The following DHRSX variants were observed in gnomAD, a reference collection of about 807,000 sequenced individuals.
DHRSX encodes dehydrogenase/reductase X-linked.
Under a neutral mutation model 34.0 loss-of-function variants are expected in DHRSX, and 31 were observed. The ratio of observed to expected loss-of-function variants is 0.91; its 90% CI spans 0.69 to 1.23. The LOEUF (loss-of-function observed/expected upper bound fraction) is 1.23, where lower values mean the gene tolerates loss of function less well. DHRSX is among the 50% of genes most tolerant of loss of function. The pLI, the probability that DHRSX is intolerant of heterozygous loss-of-function variation, is 0.00. For synonymous variants in DHRSX, 201 were observed against 183.8 expected (o/e 1.09, Z -0.76); for missense variants, 414 against 428.1 (o/e 0.97, Z 0.29).
chrX:2,231,970 T>G (rs562085261), intron 6 of DHRSX, among the ~76,000 whole-genome samples: 1 of 6,096 alleles, frequency 1.6e-4, no homozygotes, highest in African/African-American at 5.6e-4. Context: ...TTTCTGCCCT[T>G]CTTTCCTTTT....
intron 3 of DHRSX, among the ~76,000 whole-genome samples, chrX:2,294,840 CAA>C (rs1371271598): frequency 2.7e-5 from 4 of 150,038 alleles, no homozygotes; most frequent in Admixed American, 1.3e-4. Context: ...GGGAGAAAGA[CAA>C]AGAGAGCAGA....
Position 2,412,993 on chromosome X carries a change from G to A in DHRSX, c.218-4180C>T, listed in dbSNP as rs182989870. 3.7e-3 allele frequency among the ~76,000 whole-genome samples: 559 copies of A among 152,210 alleles called. 2 individuals carry two copies. The highest frequency in any genetic ancestry group is 0.013 in the African/African-American group (536 of 41,526). On this transcript the variant is annotated intron_variant, in intron 2 of 6. Transcript: ENST00000334651. ...AGGTGGATCACAAGGTCAAGAGATC[G>A]AGACCATCCTGGCCAACCTGGCAAA...
chrX:2,350,916 T>C (rs918544643), intron 3 of DHRSX, among the ~76,000 whole-genome samples: 2 of 152,190 alleles, frequency 1.3e-5, no homozygotes, highest in Non-Finnish European at 2.9e-5. Flanking sequence ...AAGGATGAGT[T>C]CATCTCCTCT....
intron 1 of DHRSX, chrX:2,488,575 T>C: frequency 2.0e-6 from 3 of 1,525,072 alleles, no homozygotes; most frequent in Non-Finnish European, 2.6e-6. Context: ...GGTAAGTATT[T>C]ACAGCAAAGC....
intron 3 of DHRSX, among the ~76,000 whole-genome samples, chrX:2,365,614 G>A (rs1199129416): frequency 6.6e-6 from 1 of 152,128 alleles, no homozygotes; most frequent in Non-Finnish European, 1.5e-5. Flanking sequence ...AGATGGAAGT[G>A]AGATTTCCTC....
chrX:2,364,163 C>T (rs2042972029), intron 3 of DHRSX, among the ~76,000 whole-genome samples: 2 of 152,204 alleles, frequency 1.3e-5, no homozygotes, highest in Non-Finnish European at 2.9e-5. Context: ...GTAGTAGGCA[C>T]ATCCCCACAG....
At chrX:2,462,632 T>C (rs1248532279) in intron 1 of DHRSX, among the ~76,000 whole-genome samples, 1 of 152,074 alleles carries the variant, frequency 6.6e-6, no homozygotes, top group Non-Finnish European at 1.5e-5. Context: ...CCACAAAAGT[T>C]ACATGTCAGA....
chrX:2,440,519 T>C lies in DHRSX; in HGVS notation c.110-15215A>G, dbSNP rs181105802. Among the ~76,000 whole-genome samples the C allele has an allele frequency of 6.2e-3, 936 of 151,436 alleles. 8 individuals are homozygous for C. Among genetic ancestry groups the C allele is most frequent in the African/African-American group, 0.022 (888 of 41,146 alleles). On this transcript the variant is annotated intron_variant, in intron 1 of 6. Coordinates refer to ENST00000334651, the MANE Select transcript of DHRSX (RefSeq NM_145177.3). ...ATCCAGCTCATTTCTGCTTTTTAAA[T>C]GTTTTTCTTTCTTTCTTTTTTTTTT...
chrX:2,248,025 C>T (rs1276793819), intron 5 of DHRSX, among the ~76,000 whole-genome samples: 1 of 152,142 alleles, frequency 6.6e-6, no homozygotes, highest in African/African-American at 2.4e-5. Context: ...TATCATCGTG[C>T]AGTGGCTCAC....
At chrX:2,412,402 A>G (rs1220486290) in intron 2 of DHRSX, among the ~76,000 whole-genome samples, 1 of 152,066 alleles carries the variant, frequency 6.6e-6, no homozygotes, top group Non-Finnish European at 1.5e-5. Flanking sequence ...TTCACATCTT[A>G]GGAAGTGAAC....
intron 3 of DHRSX, among the ~76,000 whole-genome samples, chrX:2,338,865 A>G (rs2042604249): frequency 6.6e-6 from 1 of 151,910 alleles, no homozygotes; most frequent in Non-Finnish European, 1.5e-5. Context: ...TCTCTCTACC[A>G]TGGGGTATTT....
At chrX:2,340,030 G>A (rs1429666403) in intron 3 of DHRSX, among the ~76,000 whole-genome samples, 1 of 151,952 alleles carries the variant, frequency 6.6e-6, no homozygotes, top group African/African-American at 2.4e-5. Context: ...TCTAGCATCT[G>A]TTGTTTCCTG....
chrX:2,453,878 T>G (rs1300405579), intron 1 of DHRSX, among the ~76,000 whole-genome samples: 1 of 152,140 alleles, frequency 6.6e-6, no homozygotes, highest in African/African-American at 2.4e-5. Flanking sequence ...TTAATTAGCT[T>G]GATTGTTAAT....
At chrX:2,378,967 C>A (rs546281544) in intron 3 of DHRSX, among the ~76,000 whole-genome samples, 1 of 152,112 alleles carries the variant, frequency 6.6e-6, no homozygotes, top group Non-Finnish European at 1.5e-5. Context: ...CCACCGCGCC[C>A]GGCCTTTGGC....
At chrX:2,338,148 C>CA (rs1227321043) in intron 3 of DHRSX, 2 of 151,374 alleles carry the variant, frequency 1.3e-5, no homozygotes, top group African/African-American at 4.8e-5. Context: ...GCCTGGTCAA[C>CA]ATGGTGAAAC....
chrX:2,495,418 T>C (rs1221569778), intron 1 of DHRSX, among the ~76,000 whole-genome samples: 3 of 152,128 alleles, frequency 2.0e-5, no homozygotes, highest in Admixed American at 1.3e-4. Flanking sequence ...ATGATGATCA[T>C]CATTTGGCTG....
chrX:2,366,334 G>GGGA (rs1378835876), intron 3 of DHRSX, among the ~76,000 whole-genome samples: 1 of 151,768 alleles, frequency 6.6e-6, no homozygotes, highest in Non-Finnish European at 1.5e-5. Flanking sequence ...CCAGCTACTC[G>GGGA]GGAGGCTGAC....
chrX:2,496,151 A>G (rs1458825950), intron 1 of DHRSX, among the ~76,000 whole-genome samples: 8 of 152,322 alleles, frequency 5.3e-5, no homozygotes, highest in Non-Finnish European at 1.0e-4. Flanking sequence ...AGTGTATTAC[A>G]TATTTCAAAA....
intron 3 of DHRSX, among the ~76,000 whole-genome samples, chrX:2,330,173 A>G (rs1369328590): frequency 1.5e-5 from 2 of 136,328 alleles, no homozygotes; most frequent in East Asian, 2.3e-4. Flanking sequence ...AGGAGGTGAA[A>G]GAGGAGGAGG....
Sources: allele counts gnomAD v4.1 joint callset (sites outside exome capture counted in the v4.1 genomes callset), GRCh38; gene constraint gnomAD v4.1.1; transcripts MANE v1.5; gene names NCBI Gene and HGNC (gene_info 2026-07-23, HGNC 2026-07-21).